The following ARL17B variants were observed in gnomAD, a reference collection of about 807,000 sequenced individuals.
ARL17B encodes ARF like GTPase 17B.
intron 4 of ARL17B, among the ~76,000 whole-genome samples, chr17:46,279,693 C>G (rs1031213922): frequency 6.6e-6 from 1 of 151,782 alleles, no homozygotes; most frequent in Admixed American, 6.6e-5. Flanking sequence ...ATGGGGTTTC[C>G]TCATGTTGCC....
intron 4 of ARL17B, among the ~76,000 whole-genome samples, chr17:46,281,807 C>A (rs1341445963): frequency 1.3e-5 from 2 of 151,958 alleles, no homozygotes; most frequent in Non-Finnish European, 2.9e-5. Flanking sequence ...CCACACCTGG[C>A]TAATTTTTGT....
In ARL17B at chr17:46,312,710, C is replaced by A. The variant is rs1311483520; in HGVS notation, c.260-13045G>T. On this transcript the variant is annotated intron_variant, in intron 3 of 4. Coordinates refer to the ARL17B transcript ENST00000434041. ...GCCCACCAGTGGTCTTACAAGTTTTCATGCCAAAAAAAAATCACGAAGGAT... is the reference window on the plus strand; with the variant it reads ...GCCCACCAGTGGTCTTACAAGTTTTAATGCCAAAAAAAAATCACGAAGGAT... Among the ~76,000 whole-genome samples the A allele has an allele frequency of 4.1e-5, 3 of 72,702 alleles. 1 individual carries two copies. Among genetic ancestry groups the A allele is most frequent in the African/African-American group, 1.7e-4 (3 of 17,888 alleles). The allele number at this position is 72,702 out of a possible 152,430, so 47.7% of individuals were successfully genotyped here. A position where few individuals can be genotyped will look rare whatever the true frequency, so the allele number is the denominator to read the frequency against.
chr17:46,310,254 GTTA>G lies in ARL17B; in HGVS notation c.260-10592_260-10590del, dbSNP rs1300126849. ...TTTTTCCAACAACTCTTGCGATGCG[GTTA>G]TTATTATCATTTCTATTTTGTAGAT... On this transcript the variant is annotated intron_variant, in intron 3 of 4. Coordinates refer to the ARL17B transcript ENST00000434041. The G allele has an allele frequency of 7.6e-5, 9 of 118,464 alleles. 1 individual carries two copies. The highest frequency in any genetic ancestry group is 5.2e-4 in the South Asian group (2 of 3,858). 7.3% of individuals were successfully genotyped at this position (118,464 alleles called of 1,614,324 possible). A position where few individuals can be genotyped will look rare whatever the true frequency, so the allele number is the denominator to read the frequency against.
downstream of ARL17B, chr17:46,332,541 T>G (rs778532109): frequency 7.5e-5 from 108 of 1,442,160 alleles, 2 homozygotes; most frequent in East Asian, 1.2e-3. Flanking sequence ...TTTGTGTGTT[T>G]TTTTTTTTAG....
At chr17:46,275,062 T>C (rs2049550275) in exon 5 of ARL17B, 1 of 181,402 alleles carries the variant, frequency 5.5e-6, no homozygotes, top group Non-Finnish European at 1.1e-5. Flanking sequence ...ACAGCTAATT[T>C]TGTATTTTTG....
rs2052233494 is a variant in ARL17B at position 46,334,941 on chromosome 17, T to G, written c.*4559A>C. The G allele has an allele frequency of 9.2e-6, 1 of 108,334 alleles. No individual in the cohort carries two copies. Among genetic ancestry groups the G allele is most frequent in the Non-Finnish European group, 2.1e-5 (1 of 47,846 alleles). The allele number at this position is 108,334 out of a possible 1,614,324, so 6.7% of individuals were successfully genotyped here. On this transcript the variant is annotated 3_prime_UTR_variant, in exon 4 of 4. Transcript: ENST00000450673. ...TGTATACATTTTATTAGTGATGACT[T>G]AAATTACATGGGGCCAGGCATGGTG...
downstream of ARL17B, chr17:46,331,346 G>A (rs566622963): frequency 8.6e-6 from 11 of 1,282,836 alleles, 1 homozygote; most frequent in Admixed American, 7.0e-5. Context: ...CCCTTCACAA[G>A]GGGCTTTTTC....
At chr17:46,279,459 C>T (rs139797891) in intron 4 of ARL17B, among the ~76,000 whole-genome samples, 3 of 151,162 alleles carry the variant, frequency 2.0e-5, no homozygotes, top group South Asian at 2.1e-4. Context: ...GCTGGGATTA[C>T]AGGCATGAGC....
rs532046335 is a variant in ARL17B, at chr17:46,284,839, A to T, written c.*22-9421T>A. 2.0e-5 allele frequency among the ~76,000 whole-genome samples: 3 copies of T among 152,344 alleles called. No individual in the cohort carries two copies. In the South Asian group the frequency reaches 6.2e-4, roughly 32 times the overall value. ...CTTGTGATTATGATAAAAATAGAAGAAAGTTTCAATCCAATGCACTATATC... is the reference window on the plus strand; with the variant it reads ...CTTGTGATTATGATAAAAATAGAAGTAAGTTTCAATCCAATGCACTATATC... On this transcript the variant is annotated intron_variant, in intron 4 of 4. Transcript: ENST00000570618.
At position 46,292,332 on chromosome 17, in the gene ARL17B, G is replaced by A. The variant is rs1431725345; in HGVS notation, c.*21+7194C>T. On this transcript the variant is annotated intron_variant, in intron 4 of 4. Coordinates refer to the ARL17B transcript ENST00000570618. Reference sequence around the variant, plus strand: ...GGGTGACAGAGCAAGACACTCTCTCGAGGAAAAAAAAAAAAAAGAAAAGGA... The same window carrying A: ...GGGTGACAGAGCAAGACACTCTCTCAAGGAAAAAAAAAAAAAAGAAAAGGA... 1.4e-4 allele frequency among the ~76,000 whole-genome samples: 10 copies of A among 70,018 alleles called. 4 individuals are homozygous for A. The highest frequency in any genetic ancestry group is 4.5e-4 in the Admixed American group (3 of 6,666). 45.9% of individuals were successfully genotyped at this position (70,018 alleles called of 152,430 possible).
downstream of ARL17B, among the ~76,000 whole-genome samples, chr17:46,274,390 A>C (rs1231725036): frequency 3.3e-5 from 5 of 152,248 alleles, no homozygotes; most frequent in African/African-American, 1.2e-4. Context: ...GTCCAGGACC[A>C]CTTAGCCCAA....
At chr17:46,289,336 C>A (rs1329693200) in intron 4 of ARL17B, among the ~76,000 whole-genome samples, 3 of 152,158 alleles carry the variant, frequency 2.0e-5, no homozygotes, top group African/African-American at 2.4e-5. Flanking sequence ...CACCACCATG[C>A]CCAGCTACTT....
Position 46,309,031 on chromosome 17 carries a change from T to C in ARL17B, c.260-9366A>G, listed in dbSNP as rs548026658. ...GTAAATCTCTTGAATGAAGCCTCTA[T>C]GTTATTGACAAATACTGACTGGCCA... On this transcript the variant is annotated intron_variant, in intron 3 of 4. Transcript: ENST00000434041. Among the ~76,000 whole-genome samples, 187 of 77,624 alleles carry C rather than the reference T, an allele frequency of 2.4e-3. 55 individuals carry two copies. Among genetic ancestry groups the C allele is most frequent in the African/African-American group, 5.6e-3 (169 of 30,224 alleles). The allele number at this position is 77,624 out of a possible 152,430, so 50.9% of individuals were successfully genotyped here.
chr17:46,290,003 C>T (rs1326507075), intron 4 of ARL17B, among the ~76,000 whole-genome samples: 1 of 152,232 alleles, frequency 6.6e-6, no homozygotes, highest in African/African-American at 2.4e-5. Context: ...CCTGTAGTGC[C>T]AACTACTTGG....
At position 46,306,048 on chromosome 17, in the gene ARL17B, T is replaced by C. The variant is rs1185260570; in HGVS notation, c.260-6383A>G. 2.4e-5 allele frequency among the ~76,000 whole-genome samples: 2 copies of C among 81,932 alleles called. 1 individual carries two copies. The highest frequency in any genetic ancestry group is 7.4e-5 in the Non-Finnish European group (2 of 27,030). The allele number at this position is 81,932 out of a possible 152,430, so 53.8% of individuals were successfully genotyped here. A position where few individuals can be genotyped will look rare whatever the true frequency, so the allele number is the denominator to read the frequency against. On this transcript the variant is annotated intron_variant, in intron 3 of 4. Transcript: ENST00000434041. ...TGAACATTCACTGTTTTGTATCTAA[T>C]GCACCACGTGTGCAGTGTTAAAGTA...
intron 4 of ARL17B, among the ~76,000 whole-genome samples, chr17:46,288,390 C>T (rs896410170): frequency 6.7e-6 from 1 of 149,510 alleles, no homozygotes; most frequent in Non-Finnish European, 1.5e-5. Context: ...CTCACTGCAA[C>T]CTCTGTCTCC....
intron 4 of ARL17B, among the ~76,000 whole-genome samples, chr17:46,289,684 A>G (rs2050013755): frequency 6.6e-6 from 1 of 152,240 alleles, no homozygotes; most frequent in African/African-American, 2.4e-5. Context: ...TTTAAATACC[A>G]AAAATATTCC....
intron 4 of ARL17B, among the ~76,000 whole-genome samples, chr17:46,286,537 C>G (rs1322498488): frequency 2.0e-5 from 3 of 152,134 alleles, no homozygotes; most frequent in African/African-American, 7.2e-5. Context: ...TCATTAATTT[C>G]TATGTTACAT....
chr17:46,332,438 T>C (rs1285807809), downstream of ARL17B: 9 of 441,166 alleles, frequency 2.0e-5, no homozygotes, highest in African/African-American at 2.3e-4. Flanking sequence ...GGTGACAGAG[T>C]GAGACCCTCT....
Sources: gnomAD v4.1 joint callset for allele counts (sites outside exome capture counted in the v4.1 genomes callset) on GRCh38, gnomAD v4.1.1 for gene constraint, MANE v1.5 for transcripts, NCBI Gene and HGNC (gene_info 2026-07-23, HGNC 2026-07-21) for gene names.